Variants in ABLIM2 observed in about 807,000 individuals in gnomAD.
ABLIM2 encodes the protein actin-binding LIM protein 2.
Under a neutral mutation model 97.7 loss-of-function variants are expected in ABLIM2, and 53 were observed. That is an observed-to-expected ratio of 0.54 (90% CI 0.44 to 0.68). The LOEUF is 0.68. Ranked by LOEUF, ABLIM2 falls within the 30% of genes least tolerant of loss-of-function variation. ABLIM2 has a pLI of 0.00. For synonymous variants in ABLIM2, 361 were observed against 345.8 expected (o/e 1.04, Z -0.49); for missense variants, 835 against 867.2 (o/e 0.96, Z 0.47).
At chr4:8,026,523 C>T (rs772696389) in intron 12 of ABLIM2, among the ~76,000 whole-genome samples, 2 of 152,270 alleles carry the variant, frequency 1.3e-5, no homozygotes, top group Non-Finnish European at 2.9e-5. Context: ...GCCTGCCCCA[C>T]CTTCTCGCTG....
At chr4:8,106,124 C>T (rs1171429598) in intron 2 of ABLIM2, among the ~76,000 whole-genome samples, 1 of 152,172 alleles carries the variant, frequency 6.6e-6, no homozygotes, top group African/African-American at 2.4e-5. Flanking sequence ...TCCCGCGTGT[C>T]CCCCACTACT....
intron 9 of ABLIM2, among the ~76,000 whole-genome samples, chr4:8,036,514 A>G (rs1002015969): frequency 2.0e-5 from 3 of 152,162 alleles, no homozygotes; most frequent in Non-Finnish European, 4.4e-5. Flanking sequence ...CTGGGGTCAC[A>G]GCGCTTTGGG....
In ABLIM2 at chr4:8,071,055, G is replaced by C. The variant is rs1027907127; in HGVS notation, c.675+6573C>G. Among the ~76,000 whole-genome samples the C allele has an allele frequency of 6.6e-6, 1 of 152,192 alleles. No homozygotes were observed. The highest frequency in any genetic ancestry group is 1.5e-5 in the Non-Finnish European group (1 of 68,020). On this transcript the variant is annotated intron_variant, in intron 6 of 20. Coordinates refer to ENST00000447017, the MANE Select transcript of ABLIM2 (RefSeq NM_001130083.2). The surrounding 1 kb of genome is among the most constrained non-coding windows in gnomAD (Gnocchi z 6.2). The stretch of plus-strand genomic sequence containing the variant: ...AGGTGGGGCTCTGAACACATGGCCA[G>C]TGGCTTCTCCTCATCCACACCTCCT...
intron 14 of ABLIM2, among the ~76,000 whole-genome samples, chr4:8,017,582 C>A (rs1468364066): frequency 1.3e-5 from 2 of 152,140 alleles, no homozygotes; most frequent in African/African-American, 4.8e-5. Flanking sequence ...GCCACCACAC[C>A]CGGCTTACAG....
In ABLIM2 at chr4:8,091,838, T is replaced by TTATATATAC. The variant is rs1828860437; in HGVS notation, c.339-3555_339-3554insGTATATATA. Among the ~76,000 whole-genome samples the TTATATATAC allele has an allele frequency of 2.1e-3, 211 of 99,666 alleles. 1 individual carries two copies. Among genetic ancestry groups the TTATATATAC allele is most frequent in the African/African-American group, 8.2e-3 (204 of 24,838 alleles). The allele number at this position is 99,666 out of a possible 152,430, so 65.4% of individuals were successfully genotyped here. On this transcript the variant is annotated intron_variant, in intron 3 of 20. Coordinates refer to ENST00000447017, the MANE Select transcript of ABLIM2 (RefSeq NM_001130083.2). Reference sequence around the variant, plus strand: ...TATATAATATATTATATAAATAATATAATATATTATTTATACAATATATTA... The same window carrying TTATATATAC: ...TATATAATATATTATATAAATAATATTATATATACAATATATTATTTATACAATATATTA...
At chr4:8,141,902 C>T (rs1104929) in intron 1 of ABLIM2, among the ~76,000 whole-genome samples, 4,588 of 152,310 alleles carry the variant, frequency 0.03, 206 homozygotes, top group African/African-American at 0.1. Context: ...CGAATACATG[C>T]ACCCTGGATC....
At chr4:8,014,383 G>A (rs1433801723) in intron 14 of ABLIM2, among the ~76,000 whole-genome samples, 5 of 152,234 alleles carry the variant, frequency 3.3e-5, no homozygotes. Context: ...CCCATCAACA[G>A]GATTTTTTTC....
rs1037310159 is a variant in ABLIM2, at chr4:8,140,512, G to A, written c.10+18168C>T. 3.3e-5 allele frequency among the ~76,000 whole-genome samples: 5 copies of A among 152,116 alleles called. No individual in the cohort carries two copies. Among genetic ancestry groups the A allele is most frequent in the African/African-American group, 7.2e-5 (3 of 41,418 alleles). ...CATGGGGGAAAGGGGGCAGTGACACGGGGGCCTTGCCTGCATGTGGGAGCC... is the reference window on the plus strand; with the variant it reads ...CATGGGGGAAAGGGGGCAGTGACACAGGGGCCTTGCCTGCATGTGGGAGCC... On this transcript the variant is annotated intron_variant, in intron 1 of 20. Coordinates refer to ENST00000447017, the MANE Select transcript of ABLIM2 (RefSeq NM_001130083.2). This position sits in a 1 kb window ranked among gnomAD's most constrained non-coding sequence, Gnocchi z 5.9.
chr4:8,019,772 C>A lies in ABLIM2; in HGVS notation c.1370-101G>T. 1 of 1,170,066 alleles carries A rather than the reference C, an allele frequency of 8.5e-7. No homozygotes were observed. Among genetic ancestry groups the A allele is most frequent in the East Asian group, 2.4e-5 (1 of 41,554 alleles). 72.5% of individuals were successfully genotyped at this position (1,170,066 alleles called of 1,614,324 possible). A position where few individuals can be genotyped will look rare whatever the true frequency, so the allele number is the denominator to read the frequency against. ...TTTTTGTAAGCAACAAGCACTCACC[C>A]AGATTTAGAATCATCAGGCAGGAAC... On this transcript the variant is annotated intron_variant, in intron 13 of 20. Transcript: ENST00000447017. The surrounding 1 kb of genome is among the most constrained non-coding windows in gnomAD (Gnocchi z 4.3).
In ABLIM2 at chr4:8,143,159, T is replaced by TTG. The variant is rs58979220; in HGVS notation, c.10+15520_10+15521insCA. Among the ~76,000 whole-genome samples the TTG allele has an allele frequency of 5.1e-3, 313 of 61,384 alleles. 22 individuals carry two copies. Among genetic ancestry groups the TTG allele is most frequent in the African/African-American group, 0.019 (279 of 14,462 alleles). 40.3% of individuals were successfully genotyped at this position (61,384 alleles called of 152,430 possible). A position where few individuals can be genotyped will look rare whatever the true frequency, so the allele number is the denominator to read the frequency against. Reference sequence around the variant, plus strand: ...CCCATACTGGGAGCGGGGGCGAGAGTGGGGGGGGGGGGCGTCTGCAAATGC... The same window carrying TTG: ...CCCATACTGGGAGCGGGGGCGAGAGTTGGGGGGGGGGGGGCGTCTGCAAATGC... On this transcript the variant is annotated intron_variant, in intron 1 of 20. Coordinates refer to ENST00000447017, the MANE Select transcript of ABLIM2 (RefSeq NM_001130083.2).
At chr4:8,088,085 C>G in intron 4 of ABLIM2, 84 bp downstream of exon 4, 1 of 183,904 alleles carries the variant, frequency 5.4e-6, no homozygotes, top group Non-Finnish European at 9.7e-6. Context: ...CACTCAGCGC[C>G]CCCCAACTCA....
chr4:8,134,220 T>C (rs879399024), intron 1 of ABLIM2, among the ~76,000 whole-genome samples: 5 of 152,202 alleles, frequency 3.3e-5, no homozygotes, highest in Non-Finnish European at 7.3e-5. Flanking sequence ...GGACTAAGCA[T>C]GCCAACTCCC....
chr4:8,030,966 C>T (rs375873194), intron 10 of ABLIM2, among the ~76,000 whole-genome samples: 1 of 152,210 alleles, frequency 6.6e-6, no homozygotes, highest in Non-Finnish European at 1.5e-5. Context: ...CCTCTACCAT[C>T]CCCCAGCACT....
chr4:8,109,416 C>T (rs1239203835), intron 1 of ABLIM2, among the ~76,000 whole-genome samples: 2 of 152,244 alleles, frequency 1.3e-5, no homozygotes, highest in Admixed American at 6.5e-5. Context: ...TAAATGCCAG[C>T]GCTGATTGAG....
intron 14 of ABLIM2, among the ~76,000 whole-genome samples, chr4:8,014,386 T>A (rs1368723249): frequency 2.6e-5 from 4 of 152,240 alleles, no homozygotes; most frequent in African/African-American, 9.6e-5. Flanking sequence ...ATCAACAGGA[T>A]TTTTTTCTGT....
chr4:8,086,913 C>T (rs572470691), intron 4 of ABLIM2, among the ~76,000 whole-genome samples: 178 of 151,812 alleles, frequency 1.2e-3, no homozygotes, highest in African/African-American at 4.2e-3. Context: ...CCGGAAGCAG[C>T]GCCCTCCCGA....
chr4:7,983,330 G>A lies in ABLIM2; in HGVS notation c.1758C>T (p.Asp586=), dbSNP rs1316734177. 1.2e-6 allele frequency: 2 copies of A among 1,612,194 alleles called. No homozygotes were observed. Among genetic ancestry groups the A allele is most frequent in the South Asian group, 2.2e-5 (2 of 90,276 alleles). Residue 586 remains aspartate (D), a synonymous_variant, in exon 20 of 21, where the codon GAC becomes GAT. Coordinates refer to ENST00000447017, the MANE Select transcript of ABLIM2 (RefSeq NM_001130083.2). ...GMREYKIYPY[D]SLIVTNRIRV... ...GAATTCGGTTTGTGACGATGAGGGA[G>A]TCATACGGATAGATCTGTTGGGGGA... is the stretch of plus-strand genomic sequence containing the variant.
At chr4:8,092,803 A>G (rs1022913844) in intron 3 of ABLIM2, among the ~76,000 whole-genome samples, 7 of 152,042 alleles carry the variant, frequency 4.6e-5, no homozygotes, top group African/African-American at 1.7e-4. Context: ...CCCTGCCTCA[A>G]TCTCTTTTTG....
At chr4:8,035,473 G>A (rs758096147) in intron 10 of ABLIM2, among the ~76,000 whole-genome samples, 2 of 152,214 alleles carry the variant, frequency 1.3e-5, no homozygotes, top group African/African-American at 2.4e-5. Context: ...CTGGCGGCAC[G>A]CATGTCAAGA....
Sources: allele counts gnomAD v4.1 joint callset (sites outside exome capture counted in the v4.1 genomes callset), GRCh38; gene constraint gnomAD v4.1.1; non-coding constraint Gnocchi (gnomAD v3.1); transcripts MANE v1.5; gene names NCBI Gene and HGNC (gene_info 2026-07-23, HGNC 2026-07-21).